The following N4BP2L2 variants were observed in gnomAD, a reference collection of about 807,000 sequenced individuals.
The protein encoded by N4BP2L2 is NEDD4 binding protein 2 like 2.
Under a neutral mutation model 56.2 loss-of-function variants are expected in N4BP2L2, and 50 were observed. The ratio of observed to expected loss-of-function variants is 0.89; its 90% CI spans 0.71 to 1.13. The LOEUF is 1.13. Among genes scored for constraint, N4BP2L2 ranks in the 50% most tolerant of loss-of-function variants. N4BP2L2 has a pLI of 0.00. For synonymous variants in N4BP2L2, 203 were observed against 223.6 expected (o/e 0.91, Z 0.82); for missense variants, 689 against 693.8 (o/e 0.99, Z 0.08).
chr13:32,470,922 C>T (rs188747741), intron 6 of N4BP2L2, among the ~76,000 whole-genome samples: 23 of 152,318 alleles, frequency 1.5e-4, no homozygotes, highest in African/African-American at 5.5e-4. Context: ...GGGCAGGGAA[C>T]ACAGATAGGT....
At chr13:32,486,520 A>G (rs1185189379) in intron 6 of N4BP2L2, among the ~76,000 whole-genome samples, 1 of 151,916 alleles carries the variant, frequency 6.6e-6, no homozygotes, top group African/African-American at 2.4e-5. Context: ...TACTAAAAAT[A>G]CAAAAATTAG....
At chr13:32,487,605 G>C (rs1254131902) in intron 6 of N4BP2L2, among the ~76,000 whole-genome samples, 1 of 149,660 alleles carries the variant, frequency 6.7e-6, no homozygotes, top group Non-Finnish European at 1.5e-5. Flanking sequence ...CCGGGAGGAA[G>C]AGGTTGCAGT....
chr13:32,442,605 A>G, exon 7 of N4BP2L2: 5 of 1,613,948 alleles, frequency 3.1e-6, no homozygotes. Context: ...AAGTATCAGG[A>G]TGACTATGTA....
chr13:32,486,200 G>GA (rs1166171285), intron 6 of N4BP2L2, among the ~76,000 whole-genome samples: 10 of 151,782 alleles, frequency 6.6e-5, no homozygotes, highest in African/African-American at 1.9e-4. Context: ...CTGAAGATCA[G>GA]AAAAAAGACT....
At chr13:32,449,997 T>C (rs1010767293) in intron 6 of N4BP2L2, among the ~76,000 whole-genome samples, 1 of 152,332 alleles carries the variant, frequency 6.6e-6, no homozygotes, top group Non-Finnish European at 1.5e-5. Context: ...TTCTCAGTAA[T>C]TGATAGAACA....
intron 6 of N4BP2L2, among the ~76,000 whole-genome samples, chr13:32,472,570 G>T (rs933040541): frequency 6.6e-6 from 1 of 152,146 alleles, no homozygotes; most frequent in Non-Finnish European, 1.5e-5. Context: ...CACCTGAAAA[G>T]CTCCTCCCTA....
chr13:32,462,863 A>T lies in N4BP2L2; in HGVS notation c.366-18737T>A, dbSNP rs1380490378. 8.2e-4 allele frequency among the ~76,000 whole-genome samples: 10 copies of T among 12,196 alleles called. No individual in the cohort carries two copies. The East Asian group carries it at 9.4e-3, about 12-fold the overall frequency. 8.0% of individuals were successfully genotyped at this position (12,196 alleles called of 152,430 possible). A position where few individuals can be genotyped will look rare whatever the true frequency, so the allele number is the denominator to read the frequency against. On this transcript the variant is annotated intron_variant, in intron 6 of 9. Coordinates refer to the N4BP2L2 transcript ENST00000357505. ...ACATGGTGAAACCCTGTCTTTACTAAAAAAAAAAAAAAAAAAAAAAAAAAA... is the reference window on the plus strand; with the variant it reads ...ACATGGTGAAACCCTGTCTTTACTATAAAAAAAAAAAAAAAAAAAAAAAAA...
chr13:32,443,587 G>A (rs1382791063), exon 7 of N4BP2L2: 1 of 1,611,504 alleles, frequency 6.2e-7, no homozygotes, highest in Admixed American at 1.7e-5. Flanking sequence ...AAATAAGCAT[G>A]AAGTTTCCGC....
intron 8 of N4BP2L2, among the ~76,000 whole-genome samples, chr13:32,437,609 C>T (rs2075675922): frequency 6.6e-6 from 1 of 152,190 alleles, no homozygotes; most frequent in Non-Finnish European, 1.5e-5. Context: ...AAATGAACAG[C>T]CCTCAGAATA....
In N4BP2L2 at chr13:32,436,316, C is replaced by T. The variant is rs1028641695; in HGVS notation, c.*21+45G>A. 4.4e-6 allele frequency: 4 copies of T among 899,630 alleles called. No homozygotes were observed. In the African/African-American group the frequency reaches 6.9e-5, roughly 15 times the overall value. 55.7% of individuals were successfully genotyped at this position (899,630 alleles called of 1,614,324 possible). ...TACAAACAAATAATGTCAAGATTAA[C>T]TATTTTATGATCAAACAGAGGTCTC... On this transcript the variant is annotated intron_variant, in intron 9 of 9. Coordinates refer to the N4BP2L2 transcript ENST00000357505.
chr13:32,536,848 AAT>A lies in N4BP2L2; in HGVS notation c.178_179del (p.Ile60Ter), dbSNP rs1048241089. The A allele has an allele frequency of 6.2e-7, 1 of 1,613,932 alleles. No individual in the cohort carries two copies. Among genetic ancestry groups the A allele is most frequent in the African/African-American group, 1.3e-5 (1 of 74,904 alleles). ...GCAAATAACTATGTCCTCTGACATC[AAT>A]GATGGTCACAGGGACCCAATCATTT... is the stretch of plus-strand genomic sequence containing the variant. On this transcript the variant is annotated frameshift_variant, in exon 2 of 6. Coordinates refer to ENST00000267068, the Ensembl canonical transcript of N4BP2L2. LOFTEE classifies it high-confidence loss of function.
intron 6 of N4BP2L2, among the ~76,000 whole-genome samples, chr13:32,449,982 C>A (rs1052320918): frequency 6.6e-6 from 1 of 152,194 alleles, no homozygotes; most frequent in South Asian, 2.1e-4. Context: ...GAGATTAAAA[C>A]ACCTTTCTCA....
intron 2 of N4BP2L2, among the ~76,000 whole-genome samples, chr13:32,530,562 T>C (rs2054439449): frequency 6.6e-6 from 1 of 152,204 alleles, no homozygotes; most frequent in African/African-American, 2.4e-5. Flanking sequence ...TGATTTCTAT[T>C]TTTTCAAAAC....
intron 6 of N4BP2L2, among the ~76,000 whole-genome samples, chr13:32,452,057 CTTTT>C (rs2078139692): frequency 6.7e-6 from 1 of 148,944 alleles, no homozygotes; most frequent in Non-Finnish European, 1.5e-5. Context: ...TTTTCTTTTT[CTTTT>C]TCTTTTTTTT....
intron 6 of N4BP2L2, among the ~76,000 whole-genome samples, chr13:32,460,647 G>T (rs2079868954): frequency 6.6e-6 from 1 of 151,988 alleles, no homozygotes; most frequent in Non-Finnish European, 1.5e-5. Flanking sequence ...CTATTAAAAT[G>T]AACATACTAC....
intron 2 of N4BP2L2, among the ~76,000 whole-genome samples, chr13:32,533,638 C>G (rs1251158528): frequency 6.6e-6 from 1 of 151,100 alleles, no homozygotes; most frequent in Non-Finnish European, 1.5e-5. Flanking sequence ...GCTGGGATAC[C>G]CAGGTTATCT....
chr13:32,479,614 C>A (rs1378390793), intron 6 of N4BP2L2, among the ~76,000 whole-genome samples: 1 of 147,520 alleles, frequency 6.8e-6, no homozygotes, highest in Admixed American at 6.7e-5. Context: ...TTTGTTTTTT[C>A]TTCAGAAGCA....
At chr13:32,441,886 A>G (rs2076421594) in intron 7 of N4BP2L2, among the ~76,000 whole-genome samples, 1 of 138,990 alleles carries the variant, frequency 7.2e-6, no homozygotes, top group South Asian at 2.4e-4. Flanking sequence ...TACTAAAAAT[A>G]CAAAATAAAT....
At chr13:32,449,520 T>A (rs1474543505) in intron 6 of N4BP2L2, among the ~76,000 whole-genome samples, 1 of 152,202 alleles carries the variant, frequency 6.6e-6, no homozygotes, top group Non-Finnish European at 1.5e-5. Context: ...AATAAATACA[T>A]ATAAAAACAT....
Sources: gnomAD v4.1 joint callset for allele counts (sites outside exome capture counted in the v4.1 genomes callset) on GRCh38, gnomAD v4.1.1 for gene constraint, MANE v1.5 for transcripts, NCBI Gene and HGNC (gene_info 2026-07-23, HGNC 2026-07-21) for gene names.